The following UBE2E3 variants were observed in gnomAD, a reference collection of about 807,000 sequenced individuals.
UBE2E3 encodes ubiquitin-conjugating enzyme E2 E3.
In UBE2E3, 5 loss-of-function variants were observed where a neutral mutation model predicts 23.6. The observed-to-expected ratio is 0.21, with a 90% CI of 0.11 to 0.44. The LOEUF (loss-of-function observed/expected upper bound fraction) is 0.44. Among genes scored for constraint, UBE2E3 ranks in the 20% least tolerant of loss-of-function variants. UBE2E3 has a pLI of 0.99. For missense variants in UBE2E3, 81 were observed against 249.8 expected (o/e 0.32, Z 4.55); for synonymous variants, 78 against 87.5 (o/e 0.89, Z 0.60).
At chr2:181,035,270 G>A (rs1415455784) in intron 3 of UBE2E3, among the ~76,000 whole-genome samples, 1 of 152,114 alleles carries the variant, frequency 6.6e-6, no homozygotes, top group Non-Finnish European at 1.5e-5. Context: ...GGCTATAAAT[G>A]TATATTCCTT....
intron 3 of UBE2E3, among the ~76,000 whole-genome samples, chr2:181,006,319 T>C (rs184930714): frequency 3.9e-5 from 6 of 152,190 alleles, no homozygotes; most frequent in African/African-American, 1.2e-4. Context: ...TCACTTGTTT[T>C]AAAGTAAAGG....
At position 180,990,433 on chromosome 2, in the gene UBE2E3, T is replaced by G. The variant is rs527967174; in HGVS notation, c.245+6340T>G. On this transcript the variant is annotated intron_variant, in intron 3 of 5. Coordinates refer to ENST00000410062, the MANE Select transcript of UBE2E3 (RefSeq NM_006357.4). Reference sequence around the variant, plus strand: ...TTTGAATAGTTTGCTTTTGACTGTTTTCCTGTCTTATTAGTGATGCATCCT... The same window carrying G: ...TTTGAATAGTTTGCTTTTGACTGTTGTCCTGTCTTATTAGTGATGCATCCT... Among the ~76,000 whole-genome samples, 10 of 152,320 alleles carry G rather than the reference T, an allele frequency of 6.6e-5. No homozygotes were observed. In the South Asian group the frequency reaches 2.1e-3, roughly 32 times the overall value.
At chr2:181,023,128 G>C (rs1406252474) in intron 3 of UBE2E3, among the ~76,000 whole-genome samples, 1 of 152,148 alleles carries the variant, frequency 6.6e-6, no homozygotes, top group Non-Finnish European at 1.5e-5. Flanking sequence ...CTTACAGTGG[G>C]GCCGCGCCCC....
At chr2:181,021,586 T>TCCTTCCTCCCTCCCTCCCTC in intron 3 of UBE2E3, among the ~76,000 whole-genome samples, 1 of 57,704 alleles carries the variant, frequency 1.7e-5, no homozygotes, top group Non-Finnish European at 3.2e-5. Context: ...CTCCCTCCCT[T>TCCTTCCTCCCTCCCTCCCTC]CCTTCCTCCC....
chr2:181,031,765 G>A (rs1326359744), intron 3 of UBE2E3, among the ~76,000 whole-genome samples: 4 of 152,014 alleles, frequency 2.6e-5, no homozygotes, highest in Admixed American at 1.3e-4. Flanking sequence ...TGTATCCTTA[G>A]TGGTTCTGAA....
At chr2:181,009,034 T>C (rs964808630) in intron 3 of UBE2E3, among the ~76,000 whole-genome samples, 4 of 152,164 alleles carry the variant, frequency 2.6e-5, no homozygotes, top group African/African-American at 9.6e-5. Context: ...AGGATACTTA[T>C]TCTAAAACAA....
intron 3 of UBE2E3, among the ~76,000 whole-genome samples, chr2:181,014,953 G>T (rs1246042355): frequency 6.6e-6 from 1 of 152,140 alleles, no homozygotes; most frequent in Non-Finnish European, 1.5e-5. Flanking sequence ...ATTTAGAATG[G>T]TGTGAAAAGT....
At position 180,982,656 on chromosome 2, in the gene UBE2E3, A is replaced by G. The variant is rs1684338217; in HGVS notation, c.194+420A>G. Among the ~76,000 whole-genome samples, 3 of 152,332 alleles carry G rather than the reference A, an allele frequency of 2.0e-5. No homozygotes were observed. The South Asian group carries it at 6.2e-4, about 32-fold the overall frequency. On this transcript the variant is annotated intron_variant, in intron 2 of 5. Coordinates refer to ENST00000410062, the MANE Select transcript of UBE2E3 (RefSeq NM_006357.4). ...TGAAACTTAATGATCAGAAATGATC[A>G]TATTTGCTAGAAAATTTGCAAATTC...
intron 3 of UBE2E3, among the ~76,000 whole-genome samples, chr2:181,043,420 AT>A (rs1225707643): frequency 6.6e-6 from 1 of 152,206 alleles, no homozygotes; most frequent in Non-Finnish European, 1.5e-5. Flanking sequence ...ATTATTTAAA[AT>A]ATTGTATAAA....
At chr2:181,025,204 C>G (rs921473320) in intron 3 of UBE2E3, among the ~76,000 whole-genome samples, 2 of 151,944 alleles carry the variant, frequency 1.3e-5, no homozygotes. Flanking sequence ...AACCAGACTA[C>G]TTTGCACAAT....
chr2:181,001,459 AG>A (rs372074953), intron 3 of UBE2E3, among the ~76,000 whole-genome samples: 7 of 152,152 alleles, frequency 4.6e-5, no homozygotes, highest in African/African-American at 1.7e-4. Flanking sequence ...GTGAATGTAG[AG>A]GGTGGGACAT....
intron 3 of UBE2E3, among the ~76,000 whole-genome samples, chr2:181,053,481 AC>A (rs1686902673): frequency 6.6e-6 from 1 of 151,706 alleles, no homozygotes; most frequent in Admixed American, 6.6e-5. Context: ...AGAAACATTG[AC>A]CTCTTATTTT....
intron 3 of UBE2E3, among the ~76,000 whole-genome samples, chr2:181,015,356 A>T (rs959063588): frequency 2.0e-5 from 3 of 151,916 alleles, no homozygotes; most frequent in Non-Finnish European, 4.4e-5. Flanking sequence ...GGTGACTTGC[A>T]TTTTTTTTAT....
intron 3 of UBE2E3, among the ~76,000 whole-genome samples, chr2:181,035,120 T>G (rs187976125): frequency 1.3e-5 from 2 of 152,306 alleles, no homozygotes; most frequent in African/African-American, 4.8e-5. Flanking sequence ...TATTTTAAAA[T>G]TAATGTACAT....
intron 3 of UBE2E3, among the ~76,000 whole-genome samples, chr2:181,048,863 T>G (rs1209898313): frequency 6.6e-6 from 1 of 152,138 alleles, no homozygotes; most frequent in Non-Finnish European, 1.5e-5. Context: ...ACTTCACACA[T>G]GCCCATTTAG....
intron 3 of UBE2E3, among the ~76,000 whole-genome samples, chr2:181,005,183 T>C (rs1484691194): frequency 6.6e-6 from 1 of 152,200 alleles, no homozygotes; most frequent in Non-Finnish European, 1.5e-5. Context: ...GATTTACCTT[T>C]CCATTTGCTT....
At chr2:181,019,266 TA>T (rs1685600546) in intron 3 of UBE2E3, among the ~76,000 whole-genome samples, 1 of 152,216 alleles carries the variant, frequency 6.6e-6, no homozygotes, top group African/African-American at 2.4e-5. Flanking sequence ...GGCCTAGCTC[TA>T]AAATTTATGA....
chr2:180,987,351 C>A, intron 3 of UBE2E3: 4 of 1,549,964 alleles, frequency 2.6e-6, no homozygotes, highest in Non-Finnish European at 2.6e-6. Flanking sequence ...GTGTCCTTGT[C>A]CTCTCCTAGT....
At chr2:181,029,143 C>A (rs1376265464) in intron 3 of UBE2E3, among the ~76,000 whole-genome samples, 2 of 151,846 alleles carry the variant, frequency 1.3e-5, no homozygotes, top group Non-Finnish European at 2.9e-5. Context: ...TTGCCTAGTT[C>A]TGTGTTGGGC....
Sources: allele counts gnomAD v4.1 joint callset (sites outside exome capture counted in the v4.1 genomes callset), GRCh38; gene constraint gnomAD v4.1.1; transcripts MANE v1.5; gene names NCBI Gene and HGNC (gene_info 2026-07-23, HGNC 2026-07-21).